The following GCGR variants were observed in gnomAD, a reference collection of about 807,000 sequenced individuals.
The protein encoded by GCGR is glucagon receptor.
Under a neutral mutation model 56.1 loss-of-function variants are expected in GCGR, and 41 were observed. That is an observed-to-expected ratio of 0.73 (90% CI 0.57 to 0.95). GCGR has a LOEUF of 0.95. Ranked by LOEUF, GCGR falls within the 40% of genes least tolerant of loss-of-function variation. The probability of loss-of-function intolerance (pLI) is 0.00; values close to 1 mark genes in which losing one functional copy is unlikely to be tolerated. For missense variants in GCGR, 595 were observed against 638.2 expected (o/e 0.93, Z 0.73); for synonymous variants, 278 against 271.1 (o/e 1.03, Z -0.25).
At position 81,804,905 on chromosome 17, in the gene GCGR, C is replaced by T. The variant is rs1358592764; in HGVS notation, c.-178+656C>T. Among the ~76,000 whole-genome samples, 1 of 152,226 alleles carries T rather than the reference C, an allele frequency of 6.6e-6. No individual in the cohort carries two copies. The highest frequency in any genetic ancestry group is 2.4e-5 in the African/African-American group (1 of 41,460). On this transcript the variant is annotated intron_variant, in intron 1 of 13. Coordinates refer to ENST00000400723, the MANE Select transcript of GCGR (RefSeq NM_000160.5). This position sits in a 1 kb window ranked among gnomAD's most constrained non-coding sequence, Gnocchi z 8.2. Reference sequence around the variant, plus strand: ...CTCTGAACCGACTGACCCCGGCCCCCTCGGCGCCCGCATCCTCCAAGGACC... The same window carrying T: ...CTCTGAACCGACTGACCCCGGCCCCTTCGGCGCCCGCATCCTCCAAGGACC...
Position 81,808,465 on chromosome 17 carries a change from C to T in GCGR, c.-177-377C>T, listed in dbSNP as rs13306385. On this transcript the variant is annotated intron_variant, in intron 1 of 13. Transcript: ENST00000400723. ...CCCTCAGAGCTGCCAGCCAGCCAGC[C>T]CTGGGTGGCAAGAGTGACTCCTCCT... Among the ~76,000 whole-genome samples the T allele has an allele frequency of 4.9e-4, 74 of 152,114 alleles. 2 individuals carry two copies. The East Asian group carries it at 0.014, about 28-fold the overall frequency.
Position 81,811,363 on chromosome 17 carries a change from G to A in GCGR, c.500+35G>A. On this transcript the variant is annotated intron_variant, in intron 6 of 13. Coordinates refer to ENST00000400723, the MANE Select transcript of GCGR (RefSeq NM_000160.5). The surrounding 1 kb of genome is among the most constrained non-coding windows in gnomAD (Gnocchi z 5.8). ...CGCCAGCGCCCGGGGCGGCCGCAGAGGACAGGGAGGAGGACGGGCGCTGAC... is the reference window on the plus strand; with the variant it reads ...CGCCAGCGCCCGGGGCGGCCGCAGAAGACAGGGAGGAGGACGGGCGCTGAC... The A allele has an allele frequency of 6.5e-7, 1 of 1,535,598 alleles. No homozygotes were observed. Among genetic ancestry groups the A allele is most frequent in the Middle Eastern group, 1.7e-4 (1 of 5,988 alleles).
rs956128269 is a variant in GCGR, at chr17:81,812,846, C to T, written c.1077C>T (p.Gly359=). The T allele has an allele frequency of 2.3e-5, 35 of 1,535,834 alleles. No homozygotes were observed. The highest frequency in any genetic ancestry group is 3.3e-4 in the Middle Eastern group (2 of 6,002). Residue 359 remains glycine, a synonymous_variant, in exon 12 of 14, where the codon GGC becomes GGT. Coordinates refer to ENST00000400723, the MANE Select transcript of GCGR (RefSeq NM_000160.5). This position sits in a 1 kb window ranked among gnomAD's most constrained non-coding sequence, Gnocchi z 8.5. ...CGCTGACCCTCATCCCTCTGCTGGG[C>T]GTCCACGAAGTGGTCTTCGCCTTCG... is the stretch of plus-strand genomic sequence containing the variant. The part of the protein sequence containing the change: ...KSTLTLIPLL[G]VHEVVFAFVT...
intron 1 of GCGR, among the ~76,000 whole-genome samples, chr17:81,807,631 C>T (rs904322596): frequency 6.6e-6 from 1 of 152,232 alleles, no homozygotes; most frequent in Admixed American, 6.5e-5. Context: ...CCTCCATCTG[C>T]CCAGCCATCC....
chr17:81,807,705 A>C (rs572835951), intron 1 of GCGR, among the ~76,000 whole-genome samples: 88 of 152,360 alleles, frequency 5.8e-4, no homozygotes, highest in African/African-American at 2.1e-3. Context: ...CCGGGGGCTC[A>C]TAGCCAGCCA....
In GCGR at chr17:81,813,401, C is replaced by G; in HGVS notation, c.1219-73C>G. 7.2e-7 allele frequency: 1 copy of G among 1,389,750 alleles called. No individual in the cohort carries two copies. Among genetic ancestry groups the G allele is most frequent in the Non-Finnish European group, 9.8e-7 (1 of 1,022,166 alleles). 86.1% of individuals were successfully genotyped at this position (1,389,750 alleles called of 1,614,324 possible). On this transcript the variant is annotated intron_variant, in intron 13 of 13. Coordinates refer to ENST00000400723, the MANE Select transcript of GCGR (RefSeq NM_000160.5). This position sits in a 1 kb window ranked among gnomAD's most constrained non-coding sequence, Gnocchi z 5.3. ...CGGAGACTGGGCATCTCCGATGAGG[C>G]CCACAGCAGGTCCCGGTGGGGTGGA...
In GCGR at chr17:81,812,774, G is replaced by T; in HGVS notation, c.1038-33G>T. The T allele has an allele frequency of 6.5e-7, 1 of 1,535,084 alleles. No homozygotes were observed. The highest frequency in any genetic ancestry group is 8.7e-7 in the Non-Finnish European group (1 of 1,146,438). On this transcript the variant is annotated intron_variant, in intron 11 of 13. Transcript: ENST00000400723. The surrounding 1 kb of genome is among the most constrained non-coding windows in gnomAD (Gnocchi z 8.5). ...CGTGGATGGTGCGGGCCGAGGGTGG[G>T]GGCGGTGGGTGACTCAGGCGCTGCC...
chr17:81,812,659 A>G lies in GCGR; in HGVS notation c.1031A>G (p.Lys344Arg). The G allele has an allele frequency of 6.5e-7, 1 of 1,534,200 alleles. No individual in the cohort carries two copies. Among genetic ancestry groups the G allele is most frequent in the East Asian group, 2.5e-5 (1 of 40,792 alleles). Reference protein sequence around the residue: ...RARQMHHTDYKFRLAKSTLTL... With the variant: ...RARQMHHTDYRFRLAKSTLTL... ...CGGCAGATGCACCACACAGACTACA[A>G]GTTCCGGTGGGTGCCGCGGCAGCTG... Residue 344 changes from lysine (K) to arginine (R), a missense_variant, in exon 11 of 14, where the codon AAG becomes AGG. Coordinates refer to ENST00000400723, the MANE Select transcript of GCGR (RefSeq NM_000160.5). The surrounding 1 kb of genome is among the most constrained non-coding windows in gnomAD (Gnocchi z 8.5).
chr17:81,813,267 G>A lies in GCGR; in HGVS notation c.1219-207G>A, dbSNP rs150171354. Reference sequence around the variant, plus strand: ...AGGTTGGCCTCAGCCCCATCGCTACGGTGTCCACCGTGGGGGTCCCCAGGT... The same window carrying A: ...AGGTTGGCCTCAGCCCCATCGCTACAGTGTCCACCGTGGGGGTCCCCAGGT... On this transcript the variant is annotated intron_variant, in intron 13 of 13. Transcript: ENST00000400723. The surrounding 1 kb of genome is among the most constrained non-coding windows in gnomAD (Gnocchi z 5.3). 2.2e-3 allele frequency among the ~76,000 whole-genome samples: 339 copies of A among 152,270 alleles called. 1 individual carries two copies. The highest frequency in any genetic ancestry group is 7.6e-3 in the African/African-American group (314 of 41,550).
rs779580966 is a variant in GCGR at position 81,811,045 on chromosome 17, G to T, written c.307G>T (p.Asp103Tyr). ...HRFVFKRCGP[D>Y]GQWVRGPRGQ... ...CTTCGTGTTCAAGAGATGCGGGCCCGACGGTCAGTGGGTGCGTGGACCCCG... is the reference window on the plus strand; with the variant it reads ...CTTCGTGTTCAAGAGATGCGGGCCCTACGGTCAGTGGGTGCGTGGACCCCG... Residue 103 changes from aspartate (D) to tyrosine (Y), a missense_variant, in exon 5 of 14, where the codon GAC (aspartate) becomes TAC (tyrosine). Transcript: ENST00000400723. The surrounding 1 kb of genome is among the most constrained non-coding windows in gnomAD (Gnocchi z 5.8). 1 of 1,536,206 alleles carries T rather than the reference G, an allele frequency of 6.5e-7. No homozygotes were observed. Among genetic ancestry groups the T allele is most frequent in the Non-Finnish European group, 8.7e-7 (1 of 1,146,858 alleles).
rs966630991 is a variant in GCGR at position 81,810,398 on chromosome 17, A to G, written c.164-427A>G. 9.0e-6 allele frequency: 3 copies of G among 333,410 alleles called. No individual in the cohort carries two copies. The highest frequency in any genetic ancestry group is 1.7e-5 in the Non-Finnish European group (3 of 173,854). 20.7% of individuals were successfully genotyped at this position (333,410 alleles called of 1,614,324 possible). A position where few individuals can be genotyped will look rare whatever the true frequency, so the allele number is the denominator to read the frequency against. ...AGGTGTGGCAGCCTCCATTGGGCAG[A>G]GGGAGCAGATGTGGCAGCCACAGGT... On this transcript the variant is annotated intron_variant, in intron 3 of 13. Coordinates refer to ENST00000400723, the MANE Select transcript of GCGR (RefSeq NM_000160.5). The surrounding 1 kb of genome is among the most constrained non-coding windows in gnomAD (Gnocchi z 4.6).
chr17:81,813,455 G>GCCCCGTC lies in GCGR; in HGVS notation c.1219-14_1219-8dup. The GCCCCGTC allele has an allele frequency of 6.5e-7, 1 of 1,533,180 alleles. No individual in the cohort carries two copies. Among genetic ancestry groups the GCCCCGTC allele is most frequent in the Middle Eastern group, 2.1e-4 (1 of 4,658 alleles). The allele number at this position is 1,533,180 out of a possible 1,614,324, so 95.0% of individuals were successfully genotyped here. A position where few individuals can be genotyped will look rare whatever the true frequency, so the allele number is the denominator to read the frequency against. The stretch of plus-strand genomic sequence containing the variant: ...GACAGGCAGGCCCTAGGACTGGCCT[G>GCCCCGTC]CCCCGTCCCCCTCCCCAGGTGCAGT... On this transcript the variant is annotated intron_variant, in intron 13 of 13. Coordinates refer to ENST00000400723, the MANE Select transcript of GCGR (RefSeq NM_000160.5). This position sits in a 1 kb window ranked among gnomAD's most constrained non-coding sequence, Gnocchi z 5.3.
rs1322234245 is a variant in GCGR, at chr17:81,806,174, C to G, written c.-178+1925C>G. On this transcript the variant is annotated intron_variant, in intron 1 of 13. Coordinates refer to ENST00000400723, the MANE Select transcript of GCGR (RefSeq NM_000160.5). The surrounding 1 kb of genome is among the most constrained non-coding windows in gnomAD (Gnocchi z 6.5). ...TGGTCCCCCCCCGGCTCCACCCACC[C>G]CTGTTGGGGTGAGGAGCTGGAGTCT... Among the ~76,000 whole-genome samples the G allele has an allele frequency of 3.3e-5, 5 of 152,152 alleles. No homozygotes were observed. Among genetic ancestry groups the G allele is most frequent in the African/African-American group, 4.8e-5 (2 of 41,428 alleles).
In GCGR at chr17:81,811,348, C is replaced by T. The variant is rs768469740; in HGVS notation, c.500+20C>T. On this transcript the variant is annotated intron_variant, in intron 6 of 13. Transcript: ENST00000400723. The surrounding 1 kb of genome is among the most constrained non-coding windows in gnomAD (Gnocchi z 5.8). ...CCTCAGGTAGGATTCCGCCAGCGCC[C>T]GGGGCGGCCGCAGAGGACAGGGAGG... is the stretch of plus-strand genomic sequence containing the variant. The T allele has an allele frequency of 7.8e-5, 119 of 1,534,326 alleles. No homozygotes were observed. The highest frequency in any genetic ancestry group is 4.9e-4 in the African/African-American group (36 of 73,026).
Position 81,809,026 on chromosome 17 carries a change from C to T in GCGR, c.8C>T (p.Pro3Leu), listed in dbSNP as rs1050897506. ...AGCTAGCTGCCCAGAGGCATGCCCC[C>T]CTGCCAGCCACAGCGACCCCTGCTG... Reference protein sequence around the residue: MPPCQPQRPLLLL... With the variant: MPLCQPQRPLLLL... The change falls in exon 2 of 14, where the codon CCC (proline) becomes CTC (leucine). Residue 3 changes from proline (P) to leucine (L), a missense_variant. Transcript: ENST00000400723. 5.2e-6 allele frequency: 8 copies of T among 1,535,966 alleles called. No homozygotes were observed. The highest frequency in any genetic ancestry group is 7.0e-6 in the Non-Finnish European group (8 of 1,146,890).
At position 81,810,799 on chromosome 17, in the gene GCGR, C is replaced by G. The variant is rs915471209; in HGVS notation, c.164-26C>G. 2.0e-5 allele frequency: 31 copies of G among 1,532,062 alleles called. No homozygotes were observed. Among genetic ancestry groups the G allele is most frequent in the African/African-American group, 2.7e-5 (2 of 72,882 alleles). The allele number at this position is 1,532,062 out of a possible 1,614,324, so 94.9% of individuals were successfully genotyped here. A position where few individuals can be genotyped will look rare whatever the true frequency, so the allele number is the denominator to read the frequency against. On this transcript the variant is annotated intron_variant, in intron 3 of 13. Coordinates refer to ENST00000400723, the MANE Select transcript of GCGR (RefSeq NM_000160.5). The surrounding 1 kb of genome is among the most constrained non-coding windows in gnomAD (Gnocchi z 4.6). The stretch of plus-strand genomic sequence containing the variant: ...TTCTCCCACCCTGCCCTGCCCTGCT[C>G]TGCCCTGCCCTACCCTACCCTGCAG...
chr17:81,808,945 A>G lies in GCGR; in HGVS notation c.-74A>G, dbSNP rs945788392. On this transcript the variant is annotated 5_prime_UTR_variant, in exon 2 of 14. Transcript: ENST00000400723. ...CTCAGCTGCCCTCGGAGGAGCGTAC[A>G]CACCCACCAGGACTGCATTGCCCCA... 1 of 1,515,478 alleles carries G rather than the reference A, an allele frequency of 6.6e-7. No homozygotes were observed. The highest frequency in any genetic ancestry group is 1.2e-5 in the South Asian group (1 of 83,634). The allele number at this position is 1,515,478 out of a possible 1,614,324, so 93.9% of individuals were successfully genotyped here. A position where few individuals can be genotyped will look rare whatever the true frequency, so the allele number is the denominator to read the frequency against.
intron 1 of GCGR, among the ~76,000 whole-genome samples, chr17:81,808,213 G>C (rs556721736): frequency 6.6e-6 from 1 of 152,360 alleles, no homozygotes; most frequent in East Asian, 1.9e-4. Context: ...AGTGATGGAA[G>C]GTCCAGGCAC....
Position 81,812,053 on chromosome 17 carries a change from G to A in GCGR, c.878+107G>A. 1 of 1,505,506 alleles carries A rather than the reference G, an allele frequency of 6.6e-7. No individual in the cohort carries two copies. Among genetic ancestry groups the A allele is most frequent in the Non-Finnish European group, 8.9e-7 (1 of 1,119,830 alleles). 93.3% of individuals were successfully genotyped at this position (1,505,506 alleles called of 1,614,324 possible). A position where few individuals can be genotyped will look rare whatever the true frequency, so the allele number is the denominator to read the frequency against. ...GGGATGAGCCTGGTGCCTGGGGAGG[G>A]GGTCATTTGTGACCTTCTCCCTTCC... On this transcript the variant is annotated intron_variant, in intron 9 of 13. Coordinates refer to ENST00000400723, the MANE Select transcript of GCGR (RefSeq NM_000160.5). This position sits in a 1 kb window ranked among gnomAD's most constrained non-coding sequence, Gnocchi z 8.5.
Sources: allele counts gnomAD v4.1 joint callset (sites outside exome capture counted in the v4.1 genomes callset), GRCh38; gene constraint gnomAD v4.1.1; non-coding constraint Gnocchi (gnomAD v3.1); transcripts MANE v1.5; gene names NCBI Gene and HGNC (gene_info 2026-07-23, HGNC 2026-07-21).